The following ATG9A variants were observed in gnomAD, a reference collection of about 807,000 sequenced individuals.
The protein encoded by ATG9A is autophagy-related protein 9A.
In ATG9A, 21 loss-of-function variants were observed where a neutral mutation model predicts 87.1. The observed-to-expected ratio is 0.24, with a 90% CI of 0.17 to 0.35. The LOEUF (loss-of-function observed/expected upper bound fraction) is 0.35. Ranked by LOEUF, ATG9A falls within the 10% of genes least tolerant of loss-of-function variation. The probability of loss-of-function intolerance (pLI) is 1.00; values close to 1 mark genes in which losing one functional copy is unlikely to be tolerated. For missense variants in ATG9A, 836 were observed against 1,107.3 expected (o/e 0.76, Z 3.48); for synonymous variants, 422 against 441.3 (o/e 0.96, Z 0.55).
Position 219,222,444 on chromosome 2 carries a change from T to C in ATG9A, c.1855A>G (p.Ser619Gly). The C allele has an allele frequency of 6.4e-7, 1 of 1,562,980 alleles. No homozygotes were observed. The highest frequency in any genetic ancestry group is 8.7e-7 in the Non-Finnish European group (1 of 1,155,934). ...QSLQSESEPL[S>G]LIANVVAGSS... is the part of the protein sequence containing the mutation. Reference sequence around the variant, plus strand: ...CCAGCTACCACATTTGCGATAAGGCTCAGGGGCTATGAACGAAACGGGTAG... The same window carrying C: ...CCAGCTACCACATTTGCGATAAGGCCCAGGGGCTATGAACGAAACGGGTAG... Residue 619 changes from serine to glycine, a missense_variant, in exon 12 of 16, where the codon AGC (serine) becomes GGC (glycine). Transcript: ENST00000361242. The surrounding 1 kb of genome is among the most constrained non-coding windows in gnomAD (Gnocchi z 4.3).
rs996462125 is a variant in ATG9A at position 219,220,028 on chromosome 2, A to G, written c.*419T>C. 46 of 217,396 alleles carry G rather than the reference A, an allele frequency of 2.1e-4. No homozygotes were observed. Among genetic ancestry groups the G allele is most frequent in the African/African-American group, 9.8e-4 (43 of 44,010 alleles). The allele number at this position is 217,396 out of a possible 1,614,324, so 13.5% of individuals were successfully genotyped here. On this transcript the variant is annotated 3_prime_UTR_variant, in exon 16 of 16. Transcript: ENST00000361242. ...GACCTGCTCATCTATTGAGGGGGCTAGGGAAGGTTGCAGGGGTTGAGGGTC... is the reference window on the plus strand; with the variant it reads ...GACCTGCTCATCTATTGAGGGGGCTGGGGAAGGTTGCAGGGGTTGAGGGTC...
Position 219,226,826 on chromosome 2 carries a change from G to A in ATG9A, c.212+43C>T, listed in dbSNP as rs555107535. ...TGAGTGCAAGGAGAGGAAAGACTAA[G>A]ATGTATTCTTTCACCACATCATCTG... On this transcript the variant is annotated intron_variant, in intron 5 of 15. Coordinates refer to ENST00000361242, the MANE Select transcript of ATG9A (RefSeq NM_001077198.3). 227 of 1,534,488 alleles carry A rather than the reference G, an allele frequency of 1.5e-4. 1 individual carries two copies. The Middle Eastern group carries it at 3.0e-3, about 21-fold the overall frequency.
rs1302996924 is a variant in ATG9A, at chr2:219,224,477, G to A, written c.894C>T (p.Phe298=). ...ATATGAGGATGAGGGGGCACAGCAG[G>A]AAGTTAGCGATGCCAATCCACAGGA... is the stretch of plus-strand genomic sequence containing the variant. ...NRILWIGIAN[F]LLCPLILIWQ... is the part of the protein sequence containing the mutation. Residue 298 remains phenylalanine, a synonymous_variant, in exon 8 of 16, where the codon TTC becomes TTT. Transcript: ENST00000361242. The surrounding 1 kb of genome is among the most constrained non-coding windows in gnomAD (Gnocchi z 7.7). 1 of 1,614,112 alleles carries A rather than the reference G, an allele frequency of 6.2e-7. No homozygotes were observed. The highest frequency in any genetic ancestry group is 2.2e-5 in the East Asian group (1 of 44,890).
rs1950735381 is a variant in ATG9A, at chr2:219,220,666, T to C, written c.2514+81A>G. Reference sequence around the variant, plus strand: ...TATCTCTGTGTGGGGGTGGGGCATATCTTCCTTCCCCTGAAAAGCTGTTAC... The same window carrying C: ...TATCTCTGTGTGGGGGTGGGGCATACCTTCCTTCCCCTGAAAAGCTGTTAC... On this transcript the variant is annotated intron_variant, in intron 15 of 15. Transcript: ENST00000361242. The C allele has an allele frequency of 1.9e-6, 3 of 1,558,880 alleles. No individual in the cohort carries two copies. In the South Asian group the frequency reaches 3.5e-5, roughly 18 times the overall value.
In ATG9A at chr2:219,224,641, T is replaced by C. The variant is rs777111123; in HGVS notation, c.730A>G (p.Thr244Ala). The change falls in exon 8 of 16, where the codon ACC becomes GCC. Residue 244 changes from threonine to alanine, a missense_variant. Around this residue, in one of 2 missense-constraint regions of ATG9A, gnomAD observed 512 missense variants for 759.6 expected, o/e 0.67. Transcript: ENST00000361242. The surrounding 1 kb of genome is among the most constrained non-coding windows in gnomAD (Gnocchi z 7.7). ...LPGLGEAVFFTRGLKYNFELI... is the reference protein window; with the variant it reads ...LPGLGEAVFFARGLKYNFELI... ...TCAAAGTTGTACTTGAGACCACGGG[T>C]GAAGAAGACAGCTTCCCCGAGGCCA... 1 of 1,614,118 alleles carries C rather than the reference T, an allele frequency of 6.2e-7. No individual in the cohort carries two copies. The highest frequency in any genetic ancestry group is 8.5e-7 in the Non-Finnish European group (1 of 1,180,038).
rs767507809 is a variant in ATG9A at position 219,222,141 on chromosome 2, C to T, written c.2054G>A (p.Gly685Glu). The T allele has an allele frequency of 2.5e-6, 4 of 1,613,940 alleles. No individual in the cohort carries two copies. The East Asian group carries it at 6.7e-5, about 27-fold the overall frequency. The part of the protein sequence containing the change: ...SGVDARTASS[G>E]SSVWEGQLQS... ...CAGCTGTCCTTCCCACACGCTGCTC[C>T]CGGAGCTGGCTGTCCTGGCATCCAC... Residue 685 changes from glycine (G) to glutamate (E), a missense_variant, in exon 13 of 16, where the codon GGG (glycine) becomes GAG (glutamate). This residue lies in a region of ATG9A where 324 missense variants were observed against 347.6 expected (regional missense o/e 0.93). Transcript: ENST00000361242. The surrounding 1 kb of genome is among the most constrained non-coding windows in gnomAD (Gnocchi z 4.3).
chr2:219,220,928 A>G (rs1433857637), intron 14 of ATG9A, 36 bp from the exon 15 acceptor site: 2 of 1,611,600 alleles, frequency 1.2e-6, no homozygotes, highest in East Asian at 4.5e-5. Flanking sequence ...TACTCATAGA[A>G]GGAACACAAG....
In ATG9A at chr2:219,223,839, C is replaced by CT; in HGVS notation, c.1419+29dup. The CT allele has an allele frequency of 6.2e-7, 1 of 1,614,118 alleles. No homozygotes were observed. The highest frequency in any genetic ancestry group is 1.1e-5 in the South Asian group (1 of 91,082). The stretch of plus-strand genomic sequence containing the variant: ...TCACCACCGAGCTACCAGCCAGTCT[C>CT]TAGCAGGCCCTAACTCCAACTCCAC... On this transcript the variant is annotated intron_variant, in intron 9 of 15. Transcript: ENST00000361242. The surrounding 1 kb of genome is among the most constrained non-coding windows in gnomAD (Gnocchi z 4.7).
Position 219,220,143 on chromosome 2 carries a change from T to G in ATG9A, c.*304A>C, listed in dbSNP as rs1223864088. ...GCAGCCCTCTGGGGACTTGCAGGGG[T>G]AGGTGTAAAGGTGGCAGTACTGGGG... is the stretch of plus-strand genomic sequence containing the variant. On this transcript the variant is annotated 3_prime_UTR_variant, in exon 16 of 16. Coordinates refer to ENST00000361242, the MANE Select transcript of ATG9A (RefSeq NM_001077198.3). The G allele has an allele frequency of 4.7e-6, 2 of 423,036 alleles. No homozygotes were observed. Among genetic ancestry groups the G allele is most frequent in the South Asian group, 1.0e-4 (2 of 19,512 alleles). The allele number at this position is 423,036 out of a possible 1,614,324, so 26.2% of individuals were successfully genotyped here.
chr2:219,220,644 C>A, intron 15 of ATG9A, 103 bp downstream of exon 15: 1 of 1,516,992 alleles, frequency 6.6e-7, no homozygotes, highest in Non-Finnish European at 9.0e-7. Context: ...GGTACAGTAT[C>A]TCTGTGTGGG....
rs2276636 is a variant in ATG9A at position 219,223,786 on chromosome 2, C to A, written c.1420-22G>T. ...ACACCTAAAAGGGCGGGACCAAGGT[C>A]ACAAGCGAGCAGGAGGGAGCCCAGC... On this transcript the variant is annotated intron_variant, in intron 9 of 15. Transcript: ENST00000361242. The surrounding 1 kb of genome is among the most constrained non-coding windows in gnomAD (Gnocchi z 4.7). The A allele has an allele frequency of 4.5e-3, 7,325 of 1,613,604 alleles. 223 individuals carry two copies. The East Asian group carries it at 0.071, about 16-fold the overall frequency.
chr2:219,223,029 G>GT lies in ATG9A; in HGVS notation c.1600-137_1600-136insA, dbSNP rs1950792735. On this transcript the variant is annotated intron_variant, in intron 10 of 15. Transcript: ENST00000361242. The surrounding 1 kb of genome is among the most constrained non-coding windows in gnomAD (Gnocchi z 4.7). ...TGTCAATCTTTCCCAGGGCACTGGTGCCCCCCCAGACCCAGGAGGGGCTGC... is the reference window on the plus strand; with the variant it reads ...TGTCAATCTTTCCCAGGGCACTGGTGTCCCCCCCAGACCCAGGAGGGGCTGC... 8.5e-7 allele frequency: 1 copy of GT among 1,181,014 alleles called. No individual in the cohort carries two copies. The highest frequency in any genetic ancestry group is 1.2e-6 in the Non-Finnish European group (1 of 848,408). The allele number at this position is 1,181,014 out of a possible 1,614,324, so 73.2% of individuals were successfully genotyped here. A position where few individuals can be genotyped will look rare whatever the true frequency, so the allele number is the denominator to read the frequency against.
chr2:219,226,793 G>A (rs1950870193), intron 5 of ATG9A, 76 bp downstream of exon 5: 3 of 1,403,440 alleles, frequency 2.1e-6, no homozygotes, highest in African/African-American at 1.4e-5. Flanking sequence ...GGCAGGTTGG[G>A]CCAAGTGTGA....
chr2:219,227,623 G>T lies in ATG9A; in HGVS notation c.147+147C>A, dbSNP rs928989259. 11 of 936,590 alleles carry T rather than the reference G, an allele frequency of 1.2e-5. No homozygotes were observed. The African/African-American group carries it at 1.7e-4, about 14-fold the overall frequency. 58.0% of individuals were successfully genotyped at this position (936,590 alleles called of 1,614,324 possible). A position where few individuals can be genotyped will look rare whatever the true frequency, so the allele number is the denominator to read the frequency against. On this transcript the variant is annotated intron_variant, in intron 4 of 15. Coordinates refer to ENST00000361242, the MANE Select transcript of ATG9A (RefSeq NM_001077198.3). ...ATGTGGGCTATCATTACTTAACGAT[G>T]ATTTCACCAGCCTCTTTCAGCCTCA... is the stretch of plus-strand genomic sequence containing the variant.
intron 5 of ATG9A, among the ~76,000 whole-genome samples, chr2:219,225,897 C>T (rs1218464053): frequency 6.6e-6 from 1 of 152,196 alleles, no homozygotes; most frequent in Non-Finnish European, 1.5e-5. Flanking sequence ...GTTAAAAGCC[C>T]TTGGGGGAGT....
In ATG9A at chr2:219,225,179, C is replaced by A; in HGVS notation, c.408G>T (p.Leu136=). Residue 136 remains leucine, a synonymous_variant, in exon 7 of 16, where the codon CTG becomes CTT. Transcript: ENST00000361242. The part of the protein sequence containing the change: ...IQENGSLITI[L]VIAGVFWIHR... ...GGATCCAGAAGACACCAGCAATGAC[C>A]AGGATGGTGATAAGGGAGCCATTTT... is the stretch of plus-strand genomic sequence containing the variant. 1 of 1,614,160 alleles carries A rather than the reference C, an allele frequency of 6.2e-7. No homozygotes were observed. Among genetic ancestry groups the A allele is most frequent in the Non-Finnish European group, 8.5e-7 (1 of 1,180,034 alleles).
chr2:219,220,597 G>C lies in ATG9A; in HGVS notation c.2515-145C>G, dbSNP rs566093428. On this transcript the variant is annotated intron_variant, in intron 15 of 15. Transcript: ENST00000361242. ...AGGAAAAACCAAGCCCTGCAGAGCA[G>C]TTGAGAAAAGAAGGGGTAGTGTGTT... The C allele has an allele frequency of 2.0e-5, 29 of 1,485,422 alleles. No individual in the cohort carries two copies. In the South Asian group the frequency reaches 3.5e-4, roughly 18 times the overall value. 92.0% of individuals were successfully genotyped at this position (1,485,422 alleles called of 1,614,324 possible). A position where few individuals can be genotyped will look rare whatever the true frequency, so the allele number is the denominator to read the frequency against.
intron 5 of ATG9A, 47 bp from the exon 6 acceptor site, chr2:219,225,619 C>T: frequency 1.9e-6 from 3 of 1,580,212 alleles, no homozygotes; most frequent in Non-Finnish European, 2.6e-6. Flanking sequence ...CAGAGAGGCT[C>T]CAGTGAAACC....
chr2:219,220,861 A>G lies in ATG9A; in HGVS notation c.2400T>C (p.His800=). 1 of 1,613,306 alleles carries G rather than the reference A, an allele frequency of 6.2e-7. No homozygotes were observed. ...DPGTVPRVPS[H]FSRLPLGGWA... ...ACCCTCCAAGAGGCAGCCGAGAGAA[A>G]TGAGAGGGAACCCTGGGCACTGTGC... is the stretch of plus-strand genomic sequence containing the variant. Residue 800 remains histidine (H), a synonymous_variant, in exon 15 of 16, where the codon CAT becomes CAC. Transcript: ENST00000361242.
Sources: allele counts gnomAD v4.1 joint callset (sites outside exome capture counted in the v4.1 genomes callset), GRCh38; gene constraint gnomAD v4.1.1; regional missense constraint gnomAD v4.1.1; non-coding constraint Gnocchi (gnomAD v3.1); transcripts MANE v1.5; gene names NCBI Gene and HGNC (gene_info 2026-07-23, HGNC 2026-07-21).